The following NINL variants were observed in gnomAD, a reference collection of about 807,000 sequenced individuals.
NINL encodes the protein ninein-like protein.
NINL carries 153 observed loss-of-function variants against 160.3 expected under a neutral mutation model. The ratio of observed to expected loss-of-function variants is 0.95; its 90% CI spans 0.84 to 1.09. The LOEUF (loss-of-function observed/expected upper bound fraction) is 1.09, where lower values mean the gene tolerates loss of function less well. NINL is among the 50% of genes least tolerant of loss of function. The probability of loss-of-function intolerance (pLI) is 0.00; values close to 1 mark genes in which losing one functional copy is unlikely to be tolerated. For synonymous variants in NINL, 800 were observed against 734.8 expected (o/e 1.09, Z -1.43); for missense variants, 1,829 against 1,764.0 (o/e 1.04, Z -0.66).
intron 7 of NINL, among the ~76,000 whole-genome samples, chr20:25,501,855 C>T (rs1458620795): frequency 6.6e-6 from 1 of 152,210 alleles, no homozygotes; most frequent in Admixed American, 6.5e-5. Context: ...TCTCAAACTC[C>T]TGGGCTCAAG....
chr20:25,455,064 C>T (rs558178552), intron 23 of NINL, among the ~76,000 whole-genome samples: 2 of 152,228 alleles, frequency 1.3e-5, no homozygotes, highest in South Asian at 4.1e-4. Context: ...CCATGGCTGT[C>T]CGCTGCCTGG....
rs549521096 is a variant in NINL, at chr20:25,489,929, C to T, written c.1542G>A (p.Ser514=). 19 of 1,614,042 alleles carry T rather than the reference C, an allele frequency of 1.2e-5. 1 individual carries two copies. Among genetic ancestry groups the T allele is most frequent in the South Asian group, 4.4e-5 (4 of 91,086 alleles). The change falls in exon 12 of 24, where the codon TCG becomes TCA. Residue 514 remains serine (S), a synonymous_variant. Transcript: ENST00000278886. ...TCTGCAGCTTCAGGGCCAGCCTCTC[C>T]GAATCCGAAAGCTTTTCCACCACTT... ...IVEVVEKLSD[S]ERLALKLQKD...
intron 1 of NINL, among the ~76,000 whole-genome samples, chr20:25,534,904 T>C (rs966138495): frequency 3.9e-5 from 6 of 152,216 alleles, no homozygotes; most frequent in African/African-American, 1.4e-4. Flanking sequence ...GTAGTTGTTA[T>C]ACCATATTGT....
At chr20:25,469,495 C>T (rs2063038198) in intron 18 of NINL, among the ~76,000 whole-genome samples, 1 of 151,202 alleles carries the variant, frequency 6.6e-6, no homozygotes, top group South Asian at 2.1e-4. Flanking sequence ...TGCCTCAGTG[C>T]TCAGGTTCCT....
In NINL at chr20:25,481,647, C is replaced by T. The variant is rs572349788; in HGVS notation, c.1810+321G>A. On this transcript the variant is annotated intron_variant, in intron 14 of 23. Coordinates refer to ENST00000278886, the MANE Select transcript of NINL (RefSeq NM_025176.6). The stretch of plus-strand genomic sequence containing the variant: ...GAGTACTGGGAGGCCCCAATGCATT[C>T]TCCGGGATTTAGCTCTTCTCAGTCT... 9.2e-5 allele frequency among the ~76,000 whole-genome samples: 14 copies of T among 152,342 alleles called. 1 individual carries two copies. In the South Asian group the frequency reaches 2.9e-3, roughly 32 times the overall value.
chr20:25,501,480 C>G (rs2063866830), intron 7 of NINL, among the ~76,000 whole-genome samples: 1 of 152,160 alleles, frequency 6.6e-6, no homozygotes, highest in Non-Finnish European at 1.5e-5. Flanking sequence ...CTGGCCCAGG[C>G]AGAGGCGCAC....
intron 1 of NINL, among the ~76,000 whole-genome samples, chr20:25,565,824 G>A (rs1046558984): frequency 1.2e-4 from 18 of 152,142 alleles, no homozygotes; most frequent in Non-Finnish European, 2.5e-4. Flanking sequence ...CAAAAACAGA[G>A]AAAAGGCAAA....
chr20:25,504,496 G>C (rs1327056464), intron 6 of NINL, among the ~76,000 whole-genome samples: 2 of 152,248 alleles, frequency 1.3e-5, no homozygotes, highest in African/African-American at 4.8e-5. Context: ...CCACCCAGGA[G>C]GAGAAGGAAC....
chr20:25,512,344 C>T (rs1303279711), intron 4 of NINL, among the ~76,000 whole-genome samples: 4 of 152,220 alleles, frequency 2.6e-5, no homozygotes, highest in Non-Finnish European at 5.9e-5. Flanking sequence ...TGACGCTTCA[C>T]TCCCATGAAG....
intron 1 of NINL, among the ~76,000 whole-genome samples, chr20:25,570,484 C>T (rs1211373885): frequency 6.6e-6 from 1 of 152,080 alleles, no homozygotes; most frequent in Admixed American, 6.6e-5. Context: ...ACTCGCCTTC[C>T]GCCATGATTG....
chr20:25,520,832 C>T (rs530675396), intron 2 of NINL, among the ~76,000 whole-genome samples: 140 of 152,310 alleles, frequency 9.2e-4, no homozygotes, highest in African/African-American at 3.1e-3. Context: ...AACTTTTCAT[C>T]TTGAGATCAT....
At chr20:25,570,694 C>CTT (rs57981279) in intron 1 of NINL, among the ~76,000 whole-genome samples, 2,490 of 90,482 alleles carry the variant, frequency 0.028, 168 homozygotes, top group African/African-American at 0.039. Flanking sequence ...GGCAAGTAGA[C>CTT]TTTTTTTTTT....
intron 1 of NINL, among the ~76,000 whole-genome samples, chr20:25,551,660 C>T (rs956831714): frequency 2.0e-5 from 3 of 152,086 alleles, no homozygotes; most frequent in African/African-American, 4.8e-5. Flanking sequence ...GGGAGGCAAA[C>T]GGTTATTCTT....
rs1165845321 is a variant in NINL, at chr20:25,503,217, T to C, written c.861+735A>G. On this transcript the variant is annotated intron_variant, in intron 7 of 23. Coordinates refer to ENST00000278886, the MANE Select transcript of NINL (RefSeq NM_025176.6). Reference sequence around the variant, plus strand: ...CCTGTAACCCCAGCAGGTGGGCACCTGAGCAGCACGTTCCTCACCTGAGCA... The same window carrying C: ...CCTGTAACCCCAGCAGGTGGGCACCCGAGCAGCACGTTCCTCACCTGAGCA... 1.3e-5 allele frequency among the ~76,000 whole-genome samples: 2 copies of C among 148,522 alleles called. 1 individual carries two copies. Among genetic ancestry groups the C allele is most frequent in the Non-Finnish European group, 3.0e-5 (2 of 67,328 alleles).
At chr20:25,573,072 G>A (rs1472045218) in intron 1 of NINL, among the ~76,000 whole-genome samples, 2 of 152,068 alleles carry the variant, frequency 1.3e-5, no homozygotes, top group African/African-American at 4.8e-5. Flanking sequence ...CGAGGCGGGC[G>A]GATCACCTGA....
chr20:25,520,327 G>T (rs183411807), intron 2 of NINL, among the ~76,000 whole-genome samples: 1 of 152,194 alleles, frequency 6.6e-6, no homozygotes, highest in Non-Finnish European at 1.5e-5. Context: ...GGAGAAGAAG[G>T]TTTGGGGCCA....
chr20:25,474,103 G>A (rs944752986), intron 17 of NINL, among the ~76,000 whole-genome samples: 5 of 152,204 alleles, frequency 3.3e-5, no homozygotes, highest in African/African-American at 9.6e-5. Context: ...GGAACCCAAC[G>A]TAATCACAAG....
intron 2 of NINL, among the ~76,000 whole-genome samples, chr20:25,518,256 G>T (rs1450280928): frequency 6.6e-6 from 1 of 152,080 alleles, no homozygotes; most frequent in East Asian, 1.9e-4. Flanking sequence ...CAGCTTCCTC[G>T]CTTTTCTAGA....
Position 25,491,591 on chromosome 20 carries a change from C to A in NINL, c.1311-66G>T, listed in dbSNP as rs990220792. ...AGGGCTGCCCAGGCCCACGCCACCC[C>A]CTTCCTAGCCTCCTCCCTCTTAGAA... On this transcript the variant is annotated intron_variant, in intron 10 of 23. Transcript: ENST00000278886. The A allele has an allele frequency of 1.9e-5, 30 of 1,546,440 alleles. No homozygotes were observed. In the South Asian group the frequency reaches 3.4e-4, roughly 17 times the overall value.
Sources: allele counts gnomAD v4.1 joint callset (sites outside exome capture counted in the v4.1 genomes callset), GRCh38; gene constraint gnomAD v4.1.1; transcripts MANE v1.5; gene names NCBI Gene and HGNC (gene_info 2026-07-23, HGNC 2026-07-21).